The following TTC7A variants were observed in gnomAD, a reference collection of about 807,000 sequenced individuals.
TTC7A encodes tetratricopeptide repeat domain 7A.
TTC7A carries 110 observed loss-of-function variants against 103.7 expected under a neutral mutation model. That is an observed-to-expected ratio of 1.06 (90% confidence interval 0.91 to 1.24). The LOEUF (loss-of-function observed/expected upper bound fraction) is 1.24, where lower values mean the gene tolerates loss of function less well. TTC7A is among the 50% of genes most tolerant of loss of function. TTC7A has a pLI of 0.00. For missense variants in TTC7A, 1,340 were observed against 1,116.3 expected (o/e 1.20, Z -2.86); for synonymous variants, 521 against 467.9 (o/e 1.11, Z -1.47).
At chr2:46,973,948 C>T (rs1020240178) in intron 3 of TTC7A, among the ~76,000 whole-genome samples, 1 of 152,166 alleles carries the variant, frequency 6.6e-6, no homozygotes, top group African/African-American at 2.4e-5. Flanking sequence ...TGAGAAATCC[C>T]CTTAACATTC....
upstream of TTC7A, among the ~76,000 whole-genome samples, chr2:46,939,040 C>T (rs1670120962): frequency 6.7e-6 from 1 of 150,046 alleles, no homozygotes; most frequent in Admixed American, 6.6e-5. Context: ...ACTTTGCGGG[C>T]CAGGGTGGGA....
At chr2:46,980,128 A>G (rs533679029) in intron 5 of TTC7A, among the ~76,000 whole-genome samples, 3 of 151,708 alleles carry the variant, frequency 2.0e-5, no homozygotes, top group African/African-American at 7.3e-5. Context: ...TTTTCATTAC[A>G]TGCTTTTGAA....
At chr2:46,933,314 A>G (rs1669809277) in intron 2 of TTC7A, among the ~76,000 whole-genome samples, 1 of 152,222 alleles carries the variant, frequency 6.6e-6, no homozygotes, top group Non-Finnish European at 1.5e-5. Flanking sequence ...TGGGGATAAA[A>G]AACACCCCAA....
At chr2:46,938,379 C>T (rs564612742), upstream of TTC7A, among the ~76,000 whole-genome samples, 8 of 152,214 alleles carry the variant, frequency 5.3e-5, no homozygotes, top group African/African-American at 1.9e-4. Context: ...GGGTCATACG[C>T]CTATCTAATA....
chr2:46,999,472 C>G (rs896263308), intron 8 of TTC7A: 3 of 985,190 alleles, frequency 3.0e-6, no homozygotes, highest in African/African-American at 1.7e-5. Flanking sequence ...ATGTATCCAT[C>G]TAATCTTATT....
At chr2:46,991,642 G>A (rs952016179) in intron 5 of TTC7A, among the ~76,000 whole-genome samples, 1 of 152,134 alleles carries the variant, frequency 6.6e-6, no homozygotes, top group Non-Finnish European at 1.5e-5. Flanking sequence ...GGAAAAGTAC[G>A]ACATAAATAA....
intron 4 of TTC7A, among the ~76,000 whole-genome samples, chr2:46,975,368 C>A (rs1330642096): frequency 1.7e-4 from 26 of 152,056 alleles, no homozygotes; most frequent in Admixed American, 1.7e-3. Flanking sequence ...GAGATTGAAT[C>A]ATTTGCTCAC....
chr2:46,991,886 A>G (rs560644236), intron 5 of TTC7A, among the ~76,000 whole-genome samples: 230 of 152,264 alleles, frequency 1.5e-3, no homozygotes, highest in Middle Eastern at 3.4e-3. Context: ...CTACCCCAGG[A>G]GTCTCCATTC....
chr2:46,968,585 T>G (rs1301856931), intron 3 of TTC7A, among the ~76,000 whole-genome samples: 1 of 152,214 alleles, frequency 6.6e-6, no homozygotes, highest in Non-Finnish European at 1.5e-5. Flanking sequence ...ACTGTGACCT[T>G]GCTTAGGAAA....
upstream of TTC7A, among the ~76,000 whole-genome samples, chr2:46,940,315 A>G (rs1042318607): frequency 6.6e-6 from 1 of 152,086 alleles, no homozygotes; most frequent in Non-Finnish European, 1.5e-5. This position sits in a 1 kb window ranked among gnomAD's most constrained non-coding sequence, Gnocchi z 4.7. Context: ...GGACCATACA[A>G]TGTGTCACTT....
intron 11 of TTC7A, among the ~76,000 whole-genome samples, chr2:47,020,184 C>T (rs902259632): frequency 6.6e-6 from 1 of 152,204 alleles, no homozygotes; most frequent in Non-Finnish European, 1.5e-5. Context: ...TCCCACCTGC[C>T]ATTTTGCAGA....
At chr2:47,060,167 C>G (rs1433913124) in intron 18 of TTC7A, among the ~76,000 whole-genome samples, 2 of 151,930 alleles carry the variant, frequency 1.3e-5, no homozygotes, top group East Asian at 1.9e-4. Context: ...GGGCAGATCA[C>G]TTGAGGCCAG....
At chr2:46,966,651 T>C (rs531223348) in intron 3 of TTC7A, among the ~76,000 whole-genome samples, 1 of 151,830 alleles carries the variant, frequency 6.6e-6, no homozygotes, top group East Asian at 1.9e-4. Context: ...CTAAATTTTG[T>C]ATACATCACT....
In TTC7A at chr2:47,055,819, G is replaced by C. The variant is rs544899051; in HGVS notation, c.2152+3939G>C. ...GGTGTCTCCTGGGCAGACTTGGGGGGCTGGGGTGGGGTGGCCAGCGCTGTG... is the reference window on the plus strand; with the variant it reads ...GGTGTCTCCTGGGCAGACTTGGGGGCCTGGGGTGGGGTGGCCAGCGCTGTG... On this transcript the variant is annotated intron_variant, in intron 18 of 19. Coordinates refer to ENST00000319190, the MANE Select transcript of TTC7A (RefSeq NM_020458.4). Among the ~76,000 whole-genome samples, 172 of 152,280 alleles carry C rather than the reference G, an allele frequency of 1.1e-3. 1 individual carries two copies. Among genetic ancestry groups the C allele is most frequent in the African/African-American group, 3.9e-3 (163 of 41,558 alleles).
chr2:47,041,535 C>T (rs1032670018), intron 15 of TTC7A, among the ~76,000 whole-genome samples: 49 of 152,250 alleles, frequency 3.2e-4, no homozygotes, highest in African/African-American at 1.2e-3. Context: ...GGTGGATCAC[C>T]TGAGGTCAGG....
At chr2:46,980,475 G>T (rs1674332447) in intron 5 of TTC7A, among the ~76,000 whole-genome samples, 1 of 152,124 alleles carries the variant, frequency 6.6e-6, no homozygotes, top group African/African-American at 2.4e-5. Flanking sequence ...GCCTTCTAAA[G>T]TGCTGGGATT....
chr2:46,916,061 G>A (rs1295783087), upstream of TTC7A: 1 of 985,456 alleles, frequency 1.0e-6, no homozygotes, highest in East Asian at 1.1e-4. Context: ...GCTAGGCAAC[G>A]CCGGAAGCCC....
chr2:46,971,532 A>G (rs1443980502), intron 3 of TTC7A, among the ~76,000 whole-genome samples: 1 of 152,168 alleles, frequency 6.6e-6, no homozygotes, highest in Non-Finnish European at 1.5e-5. Flanking sequence ...CTTACTCTGT[A>G]GCAGTGTGGA....
chr2:47,075,824 A>T lies in TTC7A; in HGVS notation c.*1901A>T, dbSNP rs1685168784. 1 of 152,430 alleles carries T rather than the reference A, an allele frequency of 6.6e-6. No individual in the cohort carries two copies. The highest frequency in any genetic ancestry group is 6.5e-5 in the Admixed American group (1 of 15,280). The allele number at this position is 152,430 out of a possible 1,614,324, so 9.4% of individuals were successfully genotyped here. A position where few individuals can be genotyped will look rare whatever the true frequency, so the allele number is the denominator to read the frequency against. On this transcript the variant is annotated 3_prime_UTR_variant, in exon 20 of 20. Transcript: ENST00000319190. ...AGGAGGAGGCAAGAGGGGTCCAGGC[A>T]GGGCTGATCCTGGCCTCTGACCTGT...
Sources: gnomAD v4.1 joint callset for allele counts (sites outside exome capture counted in the v4.1 genomes callset) on GRCh38, gnomAD v4.1.1 for gene constraint, Gnocchi (gnomAD v3.1) non-coding constraint, MANE v1.5 for transcripts, NCBI Gene and HGNC (gene_info 2026-07-23, HGNC 2026-07-21) for gene names.